SULT1C3: variants seen among roughly 807,000 people sequenced by gnomAD.
SULT1C3 encodes sulfotransferase 1C3.
In SULT1C3, 31 loss-of-function variants were observed where a neutral mutation model predicts 28.4. The observed-to-expected ratio is 1.09, with a 90% confidence interval of 0.82 to 1.47. The LOEUF (loss-of-function observed/expected upper bound fraction) is 1.47. Among genes scored for constraint, SULT1C3 ranks in the 40% most tolerant of loss-of-function variants. The pLI, the probability that SULT1C3 is intolerant of heterozygous loss-of-function variation, is 0.00. For missense variants in SULT1C3, 307 were observed against 272.5 expected (o/e 1.13, Z -0.89); for synonymous variants, 106 against 92.2 (o/e 1.15, Z -0.86).
intron 2 of SULT1C3, among the ~76,000 whole-genome samples, chr2:108,251,711 A>G (rs578172242): frequency 1.6e-3 from 250 of 152,198 alleles, no homozygotes; most frequent in Non-Finnish European, 2.1e-3. Context: ...ACCAATGTCA[A>G]AGAACAAAAA....
chr2:108,264,186 T>C (rs181478214), downstream of SULT1C3, among the ~76,000 whole-genome samples: 1 of 152,284 alleles, frequency 6.6e-6, no homozygotes, highest in East Asian at 1.9e-4. Context: ...ACAAATTCAC[T>C]CTCATGACCC....
intron 2 of SULT1C3, among the ~76,000 whole-genome samples, chr2:108,250,231 A>T (rs1558663006): frequency 6.6e-6 from 1 of 151,842 alleles, no homozygotes; most frequent in Non-Finnish European, 1.5e-5. Flanking sequence ...TAAGAACAAA[A>T]AACAAAAAAA....
intron 2 of SULT1C3, among the ~76,000 whole-genome samples, chr2:108,252,100 T>C (rs1675737697): frequency 6.6e-6 from 1 of 151,810 alleles, no homozygotes; most frequent in Non-Finnish European, 1.5e-5. Context: ...CATACATACT[T>C]AGATACATAG....
intron 2 of SULT1C3, among the ~76,000 whole-genome samples, chr2:108,251,035 C>A (rs1194928588): frequency 6.6e-6 from 1 of 151,836 alleles, no homozygotes; most frequent in Non-Finnish European, 1.5e-5. Flanking sequence ...TAATTTTTAC[C>A]ACACTGAAGT....
Position 108,255,727 on chromosome 2 carries a change from C to G in SULT1C3, c.526+29C>G, listed in dbSNP as rs141507165. 6,754 of 1,601,176 alleles carry G rather than the reference C, an allele frequency of 4.2e-3. 18 individuals carry two copies. The highest frequency in any genetic ancestry group is 5.0e-3 in the Non-Finnish European group (5,824 of 1,173,280). ...AGTTCAAACTGATCTTTTTGGTACC[C>G]TCTTTCAGGTGACTCTAACAATAAG... On this transcript the variant is annotated intron_variant, in intron 5 of 7. Coordinates refer to ENST00000681802, the MANE Select transcript of SULT1C3 (RefSeq NM_001320878.2).
At position 108,255,601 on chromosome 2, in the gene SULT1C3, T is replaced by C. The variant is rs929492239; in HGVS notation, c.429T>C (p.Asp143=). ...TCTATGTGGCCAGAAATCCCAAGGATTGCCTGGTGTCCTACTACCACTTTC... is the reference window on the plus strand; with the variant it reads ...TCTATGTGGCCAGAAATCCCAAGGACTGCCTGGTGTCCTACTACCACTTTC... The part of the protein sequence containing the change: ...KIVYVARNPK[D]CLVSYYHFHR... The change falls in exon 5 of 8, where the codon GAT becomes GAC. Residue 143 remains aspartate (D), a synonymous_variant. Coordinates refer to ENST00000681802, the MANE Select transcript of SULT1C3 (RefSeq NM_001320878.2). 2.5e-6 allele frequency: 4 copies of C among 1,611,838 alleles called. No homozygotes were observed. The highest frequency in any genetic ancestry group is 3.4e-6 in the Non-Finnish European group (4 of 1,178,468).
chr2:108,264,822 C>G (rs1456940750), downstream of SULT1C3: 7 of 1,604,200 alleles, frequency 4.4e-6, no homozygotes, highest in African/African-American at 9.4e-5. Flanking sequence ...GTTCCACATA[C>G]AGGACCCAAA....
chr2:108,263,505 G>A (rs547596128), downstream of SULT1C3, among the ~76,000 whole-genome samples: 1 of 152,270 alleles, frequency 6.6e-6, no homozygotes, highest in African/African-American at 2.4e-5. Context: ...GGGATATGGG[G>A]CATTGTAATA....
downstream of SULT1C3, chr2:108,264,989 C>T: frequency 6.2e-7 from 1 of 1,610,666 alleles, no homozygotes; most frequent in South Asian, 1.1e-5. Flanking sequence ...ACTCCATCTC[C>T]CCTTTTATGA....
chr2:108,257,026 C>T (rs1675882520), intron 5 of SULT1C3, among the ~76,000 whole-genome samples: 1 of 152,040 alleles, frequency 6.6e-6, no homozygotes, highest in South Asian at 2.1e-4. Context: ...CATTTTGTTA[C>T]TGTTTTTTTG....
intron 5 of SULT1C3, among the ~76,000 whole-genome samples, chr2:108,256,891 T>C (rs931033576): frequency 1.3e-5 from 2 of 152,006 alleles, no homozygotes; most frequent in African/African-American, 4.8e-5. Context: ...CAAATCTAGA[T>C]AGGACTCCAG....
intron 1 of SULT1C3, among the ~76,000 whole-genome samples, chr2:108,242,316 C>T (rs1416835441): frequency 6.6e-6 from 1 of 152,160 alleles, no homozygotes. Flanking sequence ...TATAGCAGCA[C>T]AGACAGAAGA....
chr2:108,252,899 A>C (rs561997638), intron 3 of SULT1C3, among the ~76,000 whole-genome samples: 2 of 152,118 alleles, frequency 1.3e-5, no homozygotes, highest in Non-Finnish European at 2.9e-5. Context: ...TCCCAGAATT[A>C]ATTGGGGGAG....
downstream of SULT1C3, among the ~76,000 whole-genome samples, chr2:108,264,381 T>G (rs1676085261): frequency 6.6e-6 from 1 of 152,210 alleles, no homozygotes; most frequent in African/African-American, 2.4e-5. Context: ...TCTGTTAAGT[T>G]CATAGGTTCT....
chr2:108,249,770 C>A (rs1465317217), intron 2 of SULT1C3, among the ~76,000 whole-genome samples: 13 of 151,552 alleles, frequency 8.6e-5, no homozygotes, highest in Non-Finnish European at 1.5e-5. Context: ...TCATTAAAAG[C>A]AAATATTTTT....
intron 7 of SULT1C3, among the ~76,000 whole-genome samples, chr2:108,259,639 G>C (rs186185918): frequency 1.8e-3 from 267 of 152,150 alleles, no homozygotes; most frequent in Middle Eastern, 6.8e-3. Flanking sequence ...TAAGATGATA[G>C]GCTGTCCTGA....
chr2:108,260,489 G>A (rs1675996292), intron 7 of SULT1C3, 79 bp from the exon 8 acceptor site: 1 of 384,326 alleles, frequency 2.6e-6, no homozygotes, highest in East Asian at 6.9e-5. Context: ...CACGTGGGTA[G>A]GCCTAGGAAC....
chr2:108,254,912 T>C (rs2104389836), intron 4 of SULT1C3, among the ~76,000 whole-genome samples: 1 of 151,916 alleles, frequency 6.6e-6, no homozygotes, highest in East Asian at 1.9e-4. Context: ...GTGAGTCTCA[T>C]ACAAATATCA....
At chr2:108,262,002 G>T (rs1401983406), downstream of SULT1C3, among the ~76,000 whole-genome samples, 1 of 152,032 alleles carries the variant, frequency 6.6e-6, no homozygotes, top group African/African-American at 2.4e-5. Context: ...GCCCAGAGGG[G>T]ACCCTGGGGT....
Sources: gnomAD v4.1 joint callset for allele counts (sites outside exome capture counted in the v4.1 genomes callset) on GRCh38, gnomAD v4.1.1 for gene constraint, MANE v1.5 for transcripts, NCBI Gene and HGNC (gene_info 2026-07-23, HGNC 2026-07-21) for gene names.